The following HEG1 variants were observed in gnomAD, a reference collection of about 807,000 sequenced individuals.
HEG1 encodes the protein protein HEG homolog 1.
A neutral mutation model predicts 125.6 loss-of-function variants in HEG1; 56 were observed. That is an observed-to-expected ratio of 0.45 (90% CI 0.36 to 0.56). The LOEUF (loss-of-function observed/expected upper bound fraction) is 0.56, where lower values mean the gene tolerates loss of function less well. Ranked by LOEUF, HEG1 falls within the 20% of genes least tolerant of loss-of-function variation. The pLI, the probability that HEG1 is intolerant of heterozygous loss-of-function variation, is 0.00. For synonymous variants in HEG1, 644 were observed against 668.5 expected (o/e 0.96, Z 0.57); for missense variants, 1,523 against 1,670.0 (o/e 0.91, Z 1.53).
In HEG1 at chr3:125,055,778, G is replaced by A; in HGVS notation, c.113C>T (p.Ala38Val). The A allele has an allele frequency of 1.0e-6, 1 of 994,294 alleles. No homozygotes were observed. Among genetic ancestry groups the A allele is most frequent in the Non-Finnish European group, 1.2e-6 (1 of 836,800 alleles). 61.6% of individuals were successfully genotyped at this position (994,294 alleles called of 1,614,324 possible). The change falls in exon 1 of 17, where the codon GCT becomes GTT. Residue 38 changes from alanine (A) to valine (V), a missense_variant. Physicochemically the swap from Ala to Val is moderately conservative, Grantham distance 64. Transcript: ENST00000311127. ...GGGCGCCAGGCTCAGCGCGCGGCGA[G>A]CCGGGGAAGGCGGCGGGTCCCGCGT... ...PGTRDPPPSP[A>V]RRALSLAPLA...
chr3:124,995,025 G>A (rs760721273), intron 12 of HEG1, among the ~76,000 whole-genome samples: 60 of 152,334 alleles, frequency 3.9e-4, no homozygotes, highest in Non-Finnish European at 6.9e-4. Flanking sequence ...ATTGCCAGGT[G>A]TGGTGGCTCA....
intron 1 of HEG1, among the ~76,000 whole-genome samples, chr3:125,044,206 G>A (rs1937628425): frequency 1.3e-5 from 2 of 152,190 alleles, no homozygotes. Context: ...CTAGTTAAGG[G>A]AGAAATGTAA....
In HEG1 at chr3:125,012,605, TG is replaced by T; in HGVS notation, c.2956+17del. ...CTGGGCCTTGCAGTTAACATGTGCT[TG>T]TGTGACTGTGTTTTACCTGAGGCTG... On this transcript the variant is annotated intron_variant, in intron 6 of 16. Transcript: ENST00000311127. The T allele has an allele frequency of 6.2e-7, 1 of 1,604,554 alleles. No homozygotes were observed. The highest frequency in any genetic ancestry group is 8.5e-7 in the Non-Finnish European group (1 of 1,174,926).
At chr3:125,030,958 T>C (rs2107708046) in intron 1 of HEG1, among the ~76,000 whole-genome samples, 1 of 152,326 alleles carries the variant, frequency 6.6e-6, no homozygotes, top group African/African-American at 2.4e-5. Flanking sequence ...TTGAACCCCG[T>C]ATATTAGGAA....
rs1369466479 is a variant in HEG1 at position 125,012,775 on chromosome 3, G to A, written c.2804C>T (p.Ala935Val). The A allele has an allele frequency of 3.7e-6, 6 of 1,614,080 alleles. No individual in the cohort carries two copies. The East Asian group carries it at 6.7e-5, about 18-fold the overall frequency. The change falls in exon 6 of 17, where the codon GCA becomes GTA. Residue 935 changes from alanine to valine, a missense_variant. Ala to Val is a moderately conservative substitution (Grantham distance 64). Transcript: ENST00000311127. ...GGAACGTGAAGCTGGGCTGTACTCT[G>A]CTGTAACGCCAAGCTTTGTGGTCAT... ...KEMTTKLGVT[A>V]EYSPASRSLG...
At chr3:124,999,522 G>A (rs1490339945) in intron 11 of HEG1, among the ~76,000 whole-genome samples, 2 of 152,218 alleles carry the variant, frequency 1.3e-5, no homozygotes, top group African/African-American at 2.4e-5. Flanking sequence ...TTTTCTGGAA[G>A]CCAATGTCAC....
In HEG1 at chr3:125,027,612, A is replaced by C. The variant is rs202038263; in HGVS notation, c.611-105T>G. The C allele has an allele frequency of 1.1e-5, 10 of 901,394 alleles. No individual in the cohort carries two copies. The East Asian group carries it at 2.6e-4, about 24-fold the overall frequency. 55.8% of individuals were successfully genotyped at this position (901,394 alleles called of 1,614,324 possible). A position where few individuals can be genotyped will look rare whatever the true frequency, so the allele number is the denominator to read the frequency against. On this transcript the variant is annotated intron_variant, in intron 2 of 16. Coordinates refer to ENST00000311127, the MANE Select transcript of HEG1 (RefSeq NM_020733.2). ...GACATCTACAAAATATACAGACATA[A>C]GAAGAAATTAGGAGAATAATTCAGT...
intron 5 of HEG1, among the ~76,000 whole-genome samples, chr3:125,017,056 G>C (rs1366221431): frequency 8.1e-6 from 1 of 123,090 alleles, no homozygotes; most frequent in Non-Finnish European, 1.8e-5. Flanking sequence ...AATATGCAAA[G>C]AACTTTTTTT....
intron 14 of HEG1, among the ~76,000 whole-genome samples, chr3:124,982,384 T>G (rs1013217681): frequency 6.6e-6 from 1 of 152,234 alleles, no homozygotes; most frequent in African/African-American, 2.4e-5. Context: ...CTGAAGTGTT[T>G]CCTAGCTTTA....
At chr3:124,997,847 G>C in intron 11 of HEG1, 24 bp from the exon 12 acceptor site, 1 of 1,551,390 alleles carries the variant, frequency 6.4e-7, no homozygotes, top group Non-Finnish European at 8.8e-7. Flanking sequence ...ACAAGACAGT[G>C]AAACAAAACA....
At chr3:125,047,198 C>T (rs953344572) in intron 1 of HEG1, among the ~76,000 whole-genome samples, 3 of 152,242 alleles carry the variant, frequency 2.0e-5, no homozygotes, top group African/African-American at 7.2e-5. Flanking sequence ...AGGCAGGGAG[C>T]TTGCCCACTG....
At chr3:124,995,545 A>G (rs978160047) in intron 12 of HEG1, among the ~76,000 whole-genome samples, 3 of 152,196 alleles carry the variant, frequency 2.0e-5, no homozygotes, top group Non-Finnish European at 4.4e-5. Context: ...ACACTCCTCT[A>G]TCCTCTATTT....
chr3:125,004,043 C>A (rs954873791), intron 9 of HEG1, among the ~76,000 whole-genome samples: 7 of 152,172 alleles, frequency 4.6e-5, no homozygotes, highest in Non-Finnish European at 8.8e-5. Context: ...AACTTTGCAC[C>A]TGCTCTGCGT....
chr3:124,996,177 C>T (rs1472014171), intron 12 of HEG1, among the ~76,000 whole-genome samples: 1 of 152,028 alleles, frequency 6.6e-6, no homozygotes, highest in Non-Finnish European at 1.5e-5. Context: ...CTCCACTCCC[C>T]GGGTTCAAGC....
intron 14 of HEG1, among the ~76,000 whole-genome samples, chr3:124,983,579 C>A (rs1190025695): frequency 6.6e-6 from 1 of 151,668 alleles, no homozygotes; most frequent in Non-Finnish European, 1.5e-5. Flanking sequence ...AAGCAATCCT[C>A]CCGCCTCGGC....
chr3:124,980,445 G>C (rs1936627832), intron 14 of HEG1, among the ~76,000 whole-genome samples: 1 of 152,250 alleles, frequency 6.6e-6, no homozygotes, highest in Non-Finnish European at 1.5e-5. Context: ...GAAACAAGCA[G>C]TTTTGTCTAA....
chr3:125,032,421 G>A (rs967384978), intron 1 of HEG1, among the ~76,000 whole-genome samples: 3 of 152,310 alleles, frequency 2.0e-5, no homozygotes, highest in South Asian at 2.1e-4. Flanking sequence ...CTTCCTGGAG[G>A]GGGAGGGAAG....
chr3:124,999,498 G>C (rs1404866206), intron 11 of HEG1, among the ~76,000 whole-genome samples: 1 of 152,170 alleles, frequency 6.6e-6, no homozygotes, highest in Admixed American at 6.5e-5. Context: ...AGAGTTGCCT[G>C]GCCTGATTAG....
chr3:125,007,251 G>A (rs2107698430), intron 8 of HEG1, among the ~76,000 whole-genome samples: 1 of 149,638 alleles, frequency 6.7e-6, no homozygotes, highest in East Asian at 2.0e-4. Context: ...CAGGTACGTA[G>A]ATCTATTCTG....
Sources: gnomAD v4.1 joint callset for allele counts (sites outside exome capture counted in the v4.1 genomes callset) on GRCh38, gnomAD v4.1.1 for gene constraint, MANE v1.5 for transcripts, NCBI Gene and HGNC (gene_info 2026-07-23, HGNC 2026-07-21) for gene names.